Variants in RALA observed in about 807,000 individuals in gnomAD.
RALA encodes the protein ras-related protein Ral-A.
In RALA, 5 loss-of-function variants were observed where a neutral mutation model predicts 24.0. That is an observed-to-expected ratio of 0.21 (90% CI 0.11 to 0.44). RALA has a LOEUF of 0.44. RALA is among the 20% of genes least tolerant of loss of function. The probability of loss-of-function intolerance (pLI) is 0.99; values close to 1 mark genes in which losing one functional copy is unlikely to be tolerated. For missense variants in RALA, 95 were observed against 241.2 expected (o/e 0.39, Z 4.01); for synonymous variants, 77 against 83.8 (o/e 0.92, Z 0.44).
intron 1 of RALA, among the ~76,000 whole-genome samples, chr7:39,630,009 G>C (rs148337007): frequency 6.6e-6 from 1 of 152,020 alleles, no homozygotes; most frequent in Non-Finnish European, 1.5e-5. Flanking sequence ...GATTACAGGC[G>C]TGAGCCACCA....
intron 1 of RALA, among the ~76,000 whole-genome samples, chr7:39,655,354 G>A (rs1431507135): frequency 6.6e-6 from 1 of 152,164 alleles, no homozygotes; most frequent in Non-Finnish European, 1.5e-5. Flanking sequence ...TTCCTTTTAT[G>A]TGAAACTGAA....
chr7:39,650,844 G>C (rs548453659), intron 1 of RALA, among the ~76,000 whole-genome samples: 112 of 152,346 alleles, frequency 7.4e-4, no homozygotes, highest in Non-Finnish European at 1.4e-3. Flanking sequence ...TCTGAGACTT[G>C]GCTGGGTCTA....
intron 1 of RALA, among the ~76,000 whole-genome samples, chr7:39,632,634 A>G (rs1375326528): frequency 6.6e-6 from 1 of 152,102 alleles, no homozygotes; most frequent in Non-Finnish European, 1.5e-5. Context: ...GTCGAGTAAG[A>G]TGGTGAAACC....
At chr7:39,651,705 A>G (rs1792020907) in intron 1 of RALA, among the ~76,000 whole-genome samples, 1 of 151,744 alleles carries the variant, frequency 6.6e-6, no homozygotes, top group Non-Finnish European at 1.5e-5. Flanking sequence ...GTGAAATTTT[A>G]TTTTGCTATC....
chr7:39,627,476 A>G (rs913405422), intron 1 of RALA, among the ~76,000 whole-genome samples: 1 of 152,194 alleles, frequency 6.6e-6, no homozygotes, highest in Non-Finnish European at 1.5e-5. Context: ...CTGGGATCCA[A>G]TTTTATTGCT....
intron 1 of RALA, among the ~76,000 whole-genome samples, chr7:39,631,851 G>A (rs1037720371): frequency 1.3e-5 from 2 of 152,290 alleles, no homozygotes; most frequent in East Asian, 3.9e-4. Context: ...CTGTGACTGG[G>A]TAATTCATAA....
At chr7:39,687,850 T>C (rs1431197463) in intron 2 of RALA, among the ~76,000 whole-genome samples, 1 of 152,210 alleles carries the variant, frequency 6.6e-6, no homozygotes, top group African/African-American at 2.4e-5. Context: ...AAAAGTGATC[T>C]GTGATGAGCA....
intron 1 of RALA, among the ~76,000 whole-genome samples, chr7:39,661,161 T>G (rs1350583154): frequency 1.3e-5 from 2 of 152,218 alleles, no homozygotes; most frequent in Non-Finnish European, 2.9e-5. Flanking sequence ...GCCCCCATGA[T>G]TCAGTTATCT....
At chr7:39,671,573 A>T (rs1183206768) in intron 1 of RALA, among the ~76,000 whole-genome samples, 1 of 152,162 alleles carries the variant, frequency 6.6e-6, no homozygotes, top group Non-Finnish European at 1.5e-5. Flanking sequence ...TGTTAACCTT[A>T]GTGTTACAAA....
At chr7:39,658,104 G>A (rs1792125273) in intron 1 of RALA, among the ~76,000 whole-genome samples, 1 of 152,170 alleles carries the variant, frequency 6.6e-6, no homozygotes, top group South Asian at 2.1e-4. Context: ...TCCCTTTCTT[G>A]AGCACACAGA....
chr7:39,662,144 C>T (rs1792203216), intron 1 of RALA, among the ~76,000 whole-genome samples: 1 of 152,142 alleles, frequency 6.6e-6, no homozygotes, highest in African/African-American at 2.4e-5. Flanking sequence ...GTTGGGGGGC[C>T]CTTAGCCCAG....
At chr7:39,691,349 TCTTA>T (rs1195200131) in intron 3 of RALA, among the ~76,000 whole-genome samples, 1 of 152,194 alleles carries the variant, frequency 6.6e-6, no homozygotes, top group Non-Finnish European at 1.5e-5. Context: ...GTGTGAAGTG[TCTTA>T]CTTGATTATG....
chr7:39,651,519 A>T (rs556772576), intron 1 of RALA, among the ~76,000 whole-genome samples: 2 of 152,250 alleles, frequency 1.3e-5, no homozygotes, highest in South Asian at 2.1e-4. Context: ...TATTTGTGAC[A>T]GTTTGATTAT....
chr7:39,629,533 G>C (rs1397804145), intron 1 of RALA, among the ~76,000 whole-genome samples: 5 of 152,140 alleles, frequency 3.3e-5, no homozygotes, highest in African/African-American at 1.2e-4. Flanking sequence ...TCCTGCCTCA[G>C]CCTCCTGAGT....
chr7:39,687,253 C>A (rs1052077624), intron 2 of RALA, among the ~76,000 whole-genome samples: 18 of 152,028 alleles, frequency 1.2e-4, no homozygotes, highest in African/African-American at 4.3e-4. Flanking sequence ...CGGTGAAACC[C>A]CGTCTATACT....
intron 1 of RALA, among the ~76,000 whole-genome samples, chr7:39,632,738 G>C (rs766060703): frequency 1.3e-5 from 2 of 152,144 alleles, no homozygotes; most frequent in Admixed American, 1.3e-4. Flanking sequence ...GATCACTTGA[G>C]CCCAGGAGGG....
chr7:39,627,075 CTCT>C (rs1226066201), intron 1 of RALA, among the ~76,000 whole-genome samples: 4 of 149,080 alleles, frequency 2.7e-5, no homozygotes, highest in African/African-American at 5.1e-5. Context: ...CTCTCTCTCT[CTCT>C]TTTTTTTTTT....
rs191284944 is a variant in RALA, at chr7:39,651,646, G to A, written c.-38+27821G>A. ...AAACTGGAATACAGTTAGGCAGAAA[G>A]CCCTGGAAGTTAAACATTTTTCATA... On this transcript the variant is annotated intron_variant, in intron 1 of 4. Transcript: ENST00000005257. 1.5e-4 allele frequency among the ~76,000 whole-genome samples: 23 copies of A among 152,022 alleles called. No individual in the cohort carries two copies. In the East Asian group the frequency reaches 3.3e-3, roughly 22 times the overall value.
intron 4 of RALA, among the ~76,000 whole-genome samples, chr7:39,705,134 G>T (rs995527537): frequency 4.6e-5 from 7 of 152,044 alleles, no homozygotes; most frequent in African/African-American, 1.7e-4. Flanking sequence ...TGTTCTTTGT[G>T]CAAGGGCGAA....
Sources: gnomAD v4.1 joint callset for allele counts (sites outside exome capture counted in the v4.1 genomes callset) on GRCh38, gnomAD v4.1.1 for gene constraint, MANE v1.5 for transcripts, NCBI Gene and HGNC (gene_info 2026-07-23, HGNC 2026-07-21) for gene names.